The following SLC9A9 variants were observed in gnomAD, a reference collection of about 807,000 sequenced individuals.
SLC9A9 encodes the protein solute carrier family 9 member A9, also known as sodium/hydrogen exchanger 9.
In SLC9A9, 62 loss-of-function variants were observed where a neutral mutation model predicts 77.8. That is an observed-to-expected ratio of 0.80 (90% confidence interval 0.65 to 0.98). SLC9A9 has a LOEUF of 0.98. SLC9A9 is among the 50% of genes least tolerant of loss of function. The pLI is 0.00. For synonymous variants in SLC9A9, 320 were observed against 283.5 expected (o/e 1.13, Z -1.29); for missense variants, 775 against 774.9 (o/e 1.00, Z 0.00).
At chr3:143,643,420 A>C (rs780185957) in intron 6 of SLC9A9, among the ~76,000 whole-genome samples, 2 of 152,198 alleles carry the variant, frequency 1.3e-5, no homozygotes, top group African/African-American at 2.4e-5. Context: ...GGCCCTATTC[A>C]AAGAGCTTTG....
chr3:143,459,056 T>C (rs2035143260), intron 12 of SLC9A9, among the ~76,000 whole-genome samples: 1 of 152,124 alleles, frequency 6.6e-6, no homozygotes, highest in African/African-American at 2.4e-5. Context: ...TATTTTGTTT[T>C]GGTCATTGCA....
chr3:143,351,864 AC>A (rs533508701), intron 14 of SLC9A9, among the ~76,000 whole-genome samples: 1,736 of 152,280 alleles, frequency 0.011, 16 homozygotes, highest in Non-Finnish European at 0.017. Flanking sequence ...CTGTACAATT[AC>A]CAATTACCAT....
chr3:143,806,230 A>G (rs1185460678), intron 2 of SLC9A9, among the ~76,000 whole-genome samples: 1 of 152,058 alleles, frequency 6.6e-6, no homozygotes. Flanking sequence ...TTATGCCTGA[A>G]TTCTTACTCA....
chr3:143,594,904 TG>T (rs1460435566), intron 6 of SLC9A9, among the ~76,000 whole-genome samples: 1 of 152,228 alleles, frequency 6.6e-6, no homozygotes, highest in Non-Finnish European at 1.5e-5. Flanking sequence ...GCTTGTTATC[TG>T]GGAGGAAGTA....
chr3:143,505,561 T>C (rs895363574), intron 9 of SLC9A9, among the ~76,000 whole-genome samples: 1 of 152,156 alleles, frequency 6.6e-6, no homozygotes, highest in South Asian at 2.1e-4. Flanking sequence ...AGCTGCTCTT[T>C]ATCATATATT....
intron 12 of SLC9A9, among the ~76,000 whole-genome samples, chr3:143,450,013 T>C (rs1285366782): frequency 9.2e-6 from 1 of 108,840 alleles, no homozygotes; most frequent in Admixed American, 1.3e-4. Context: ...CATATATGCA[T>C]ATATACATAT....
chr3:143,311,247 T>G (rs1166141177), intron 14 of SLC9A9, among the ~76,000 whole-genome samples: 1 of 152,204 alleles, frequency 6.6e-6, no homozygotes, highest in Non-Finnish European at 1.5e-5. Flanking sequence ...GTGTTTATAC[T>G]TTAGCAATAA....
chr3:143,271,534 G>C (rs577027351), intron 14 of SLC9A9, among the ~76,000 whole-genome samples: 1 of 152,202 alleles, frequency 6.6e-6, no homozygotes, highest in African/African-American at 2.4e-5. Flanking sequence ...CTCATTGTTC[G>C]ATAATGATGG....
intron 2 of SLC9A9, among the ~76,000 whole-genome samples, chr3:143,802,705 A>G (rs1159466897): frequency 6.6e-6 from 1 of 152,086 alleles, no homozygotes; most frequent in Non-Finnish European, 1.5e-5. Flanking sequence ...ATCCCTTACC[A>G]TCCTCAATCT....
chr3:143,530,725 G>A (rs1051106766), intron 9 of SLC9A9, among the ~76,000 whole-genome samples: 1 of 152,034 alleles, frequency 6.6e-6, no homozygotes, highest in Non-Finnish European at 1.5e-5. Flanking sequence ...AGAAAAAGGA[G>A]ACAAAATCAG....
intron 6 of SLC9A9, among the ~76,000 whole-genome samples, chr3:143,650,576 T>A (rs929527620): frequency 1.3e-5 from 2 of 152,210 alleles, no homozygotes; most frequent in Non-Finnish European, 2.9e-5. Context: ...TTTGAATATG[T>A]AAGCTTTGGA....
At chr3:143,401,082 C>A (rs2033845360) in intron 12 of SLC9A9, among the ~76,000 whole-genome samples, 1 of 152,182 alleles carries the variant, frequency 6.6e-6, no homozygotes, top group Non-Finnish European at 1.5e-5. Flanking sequence ...CAGACCAATG[C>A]AGATGGCATC....
chr3:143,845,866 T>C (rs1387504844), intron 1 of SLC9A9, among the ~76,000 whole-genome samples: 1 of 152,174 alleles, frequency 6.6e-6, no homozygotes, highest in Non-Finnish European at 1.5e-5. Flanking sequence ...ATTGCACTGG[T>C]TCAGAATTTG....
intron 4 of SLC9A9, among the ~76,000 whole-genome samples, chr3:143,719,420 T>A (rs1934436518): frequency 6.6e-6 from 1 of 152,144 alleles, no homozygotes; most frequent in African/African-American, 2.4e-5. Flanking sequence ...TAAAAATCCA[T>A]GATGAAAGGC....
rs577892258 is a variant in SLC9A9, at chr3:143,468,462, C to T, written c.1316-1272G>A. ...TGTGTCTGTCCTTCTTCTAATAGCA[C>T]ACTGTCTTAATTACTGTAGCTATAT... is the stretch of plus-strand genomic sequence containing the variant. On this transcript the variant is annotated intron_variant, in intron 11 of 15. Coordinates refer to ENST00000316549, the MANE Select transcript of SLC9A9 (RefSeq NM_173653.4). Among the ~76,000 whole-genome samples, 8 of 152,336 alleles carry T rather than the reference C, an allele frequency of 5.3e-5. No individual in the cohort carries two copies. In the East Asian group the frequency reaches 1.5e-3, roughly 29 times the overall value.
In SLC9A9 at chr3:143,381,957, G is replaced by A. The variant is rs113573043; in HGVS notation, c.1524+103C>T. ...TTGTTTTATCAGCAGAGGAAGCTCC[G>A]TTTAGAAATAGCTCCTTGGTCACAT... On this transcript the variant is annotated intron_variant, in intron 13 of 15. Transcript: ENST00000316549. 160 of 1,354,924 alleles carry A rather than the reference G, an allele frequency of 1.2e-4. No homozygotes were observed. The Middle Eastern group carries it at 3.3e-3, about 28-fold the overall frequency. The allele number at this position is 1,354,924 out of a possible 1,614,324, so 83.9% of individuals were successfully genotyped here.
At chr3:143,719,795 T>C (rs2108801789) in intron 4 of SLC9A9, among the ~76,000 whole-genome samples, 1 of 152,286 alleles carries the variant, frequency 6.6e-6, no homozygotes, top group South Asian at 2.1e-4. Flanking sequence ...TCATCCTTCA[T>C]TCATCAACCC....
chr3:143,549,325 A>C (rs189777414), intron 9 of SLC9A9, among the ~76,000 whole-genome samples: 17 of 152,306 alleles, frequency 1.1e-4, no homozygotes, highest in Non-Finnish European at 1.3e-4. Context: ...TGGGATGTGC[A>C]TGTGTATAGG....
chr3:143,768,539 T>C (rs897973941), intron 4 of SLC9A9, among the ~76,000 whole-genome samples: 3 of 152,200 alleles, frequency 2.0e-5, no homozygotes, highest in Non-Finnish European at 4.4e-5. Flanking sequence ...TCATATAACA[T>C]AGGAGGAACC....
Sources: gnomAD v4.1 joint callset for allele counts (sites outside exome capture counted in the v4.1 genomes callset) on GRCh38, gnomAD v4.1.1 for gene constraint, MANE v1.5 for transcripts, NCBI Gene and HGNC (gene_info 2026-07-23, HGNC 2026-07-21) for gene names.